ACIN1: variants seen among roughly 807,000 people sequenced by gnomAD.
ACIN1 encodes the protein apoptotic chromatin condensation inducer 1.
A neutral mutation model predicts 146.6 loss-of-function variants in ACIN1; 16 were observed. The ratio of observed to expected loss-of-function variants is 0.11; its 90% CI spans 0.07 to 0.17. The LOEUF is 0.17. Among genes scored for constraint, ACIN1 ranks in the 10% least tolerant of loss-of-function variants. The probability of loss-of-function intolerance (pLI) is 1.00; values close to 1 mark genes in which losing one functional copy is unlikely to be tolerated. For synonymous variants in ACIN1, 569 were observed against 582.7 expected (o/e 0.98, Z 0.34); for missense variants, 1,357 against 1,609.3 (o/e 0.84, Z 2.68).
In ACIN1 at chr14:23,067,183, T is replaced by G; in HGVS notation, c.2266-1175A>C. Reference sequence around the variant, plus strand: ...TAAAACAGGAAAAACATGAACCAAATAAATAAATAAAAGAAATCAGAAAAA... The same window carrying G: ...TAAAACAGGAAAAACATGAACCAAAGAAATAAATAAAAGAAATCAGAAAAA... On this transcript the variant is annotated intron_variant, in intron 9 of 18. Coordinates refer to ENST00000605057, the MANE Select transcript of ACIN1 (RefSeq NM_001386863.1). This position sits in a 1 kb window ranked among gnomAD's most constrained non-coding sequence, Gnocchi z 4.6. 1 of 646,826 alleles carries G rather than the reference T, an allele frequency of 1.5e-6. No individual in the cohort carries two copies. The highest frequency in any genetic ancestry group is 2.1e-5 in the African/African-American group (1 of 46,920). The allele number at this position is 646,826 out of a possible 1,614,324, so 40.1% of individuals were successfully genotyped here. A position where few individuals can be genotyped will look rare whatever the true frequency, so the allele number is the denominator to read the frequency against.
intron 12 of ACIN1, 105 bp downstream of exon 12, chr14:23,064,000 C>T: frequency 6.7e-7 from 1 of 1,490,906 alleles, no homozygotes; most frequent in Non-Finnish European, 9.1e-7. Context: ...ACCCTCTGCA[C>T]AGACAGGGAA....
At chr14:23,071,499 G>C in intron 8 of ACIN1, 1 of 1,551,706 alleles carries the variant, frequency 6.4e-7, no homozygotes, top group Non-Finnish European at 8.7e-7. Flanking sequence ...GGTAGTGGCT[G>C]GCTCTATTGT....
chr14:23,081,787 T>C lies in ACIN1; in HGVS notation c.486A>G (p.Lys162=), dbSNP rs1177038204. The change falls in exon 5 of 19, where the codon AAA becomes AAG. Residue 162 remains lysine (K), a synonymous_variant. Transcript: ENST00000605057. ...ATGATCGTCTTTCTCCTTTCCTTGG[T>C]TTCTCATCATCAGAGTCACCTTTCT... ...SEEKGDSDDE[K]PRKGERRSSR... 1 of 1,613,174 alleles carries C rather than the reference T, an allele frequency of 6.2e-7. No individual in the cohort carries two copies. The highest frequency in any genetic ancestry group is 8.5e-7 in the Non-Finnish European group (1 of 1,179,922).
Position 23,068,869 on chromosome 14 carries a change from T to G in ACIN1, c.2265+607A>C. On this transcript the variant is annotated intron_variant, in intron 9 of 18. Transcript: ENST00000605057. This position sits in a 1 kb window ranked among gnomAD's most constrained non-coding sequence, Gnocchi z 4.3. ...ACTTTAAGAGCCAAGAAGACTTCGCTGGCTCTGATGGGGGAAGCCCCCTGA... is the reference window on the plus strand; with the variant it reads ...ACTTTAAGAGCCAAGAAGACTTCGCGGGCTCTGATGGGGGAAGCCCCCTGA... 2 of 985,422 alleles carry G rather than the reference T, an allele frequency of 2.0e-6. No individual in the cohort carries two copies. Among genetic ancestry groups the G allele is most frequent in the Non-Finnish European group, 2.4e-6 (2 of 829,938 alleles). The allele number at this position is 985,422 out of a possible 1,614,324, so 61.0% of individuals were successfully genotyped here.
In ACIN1 at chr14:23,080,444, C is replaced by G; in HGVS notation, c.891G>C (p.Gln297His). The change falls in exon 6 of 19, where the codon CAG becomes CAC. Residue 297 changes from glutamine to histidine, a missense_variant. Gln to His is a conservative substitution (Grantham distance 24, BLOSUM62 0). Around this residue, in one of 4 missense-constraint regions of ACIN1, gnomAD observed 771 missense variants for 746.6 expected, o/e 1.03. Transcript: ENST00000605057. ...TTGTTTTCATTTCCTTCTCCTGCTG[C>G]TGTCTGGCCAGATGACTTTTTCTAG... Reference protein sequence around the residue: ...EEARKSHLARQQQEKEMKTTS... With the variant: ...EEARKSHLARHQQEKEMKTTS... The G allele has an allele frequency of 6.2e-7, 1 of 1,614,144 alleles. No individual in the cohort carries two copies. Among genetic ancestry groups the G allele is most frequent in the Non-Finnish European group, 8.5e-7 (1 of 1,180,026 alleles).
chr14:23,069,648 G>GGGGGGGGGGGGGGGGGGGC, intron 8 of ACIN1, 31 bp from the exon 9 acceptor site: 3 of 589,378 alleles, frequency 5.1e-6, no homozygotes, highest in African/African-American at 1.9e-5. Context: ...TGGTGGGGGG[G>GGGGGGGGGGGGGGGGGGGC]CGGGCAGAAA....
Position 23,093,469 on chromosome 14 carries a change from T to C in ACIN1, c.204+10A>G, listed in dbSNP as rs1337104412. 1.2e-6 allele frequency: 2 copies of C among 1,612,922 alleles called. No individual in the cohort carries two copies. Among genetic ancestry groups the C allele is most frequent in the Non-Finnish European group, 1.7e-6 (2 of 1,179,042 alleles). ...AGGGCCCACTCCATTGAATACACCT[T>C]CTTTCTCACCTGGGAATTTGGCTGG... On this transcript the variant is annotated intron_variant, in intron 2 of 18. Coordinates refer to ENST00000605057, the MANE Select transcript of ACIN1 (RefSeq NM_001386863.1).
In ACIN1 at chr14:23,063,050, C is replaced by T. The variant is rs964072916; in HGVS notation, c.2762G>A (p.Arg921Gln). 1.9e-6 allele frequency: 3 copies of T among 1,613,072 alleles called. No individual in the cohort carries two copies. The highest frequency in any genetic ancestry group is 1.7e-5 in the Admixed American group (1 of 59,694). The change falls in exon 14 of 19, where the codon CGA becomes CAA. Residue 921 changes from arginine to glutamine, a missense_variant. Arg to Gln is a conservative substitution (Grantham distance 43, BLOSUM62 1). Transcript: ENST00000605057. ...GGACTTCTGCTGGCTAATGGAACGT[C>T]GAGTTAAGGTATCTCCTAAAGTCAC... is the stretch of plus-strand genomic sequence containing the variant. ...KKVTLGDTLT[R>Q]RSISQQKSGV...
Position 23,058,802 on chromosome 14 carries a change from G to C in ACIN1, c.*346C>G, listed in dbSNP as rs913262394. On this transcript the variant is annotated 3_prime_UTR_variant, in exon 19 of 19. Coordinates refer to ENST00000605057, the MANE Select transcript of ACIN1 (RefSeq NM_001386863.1). ...CTGGCCCCGGCTGTTCCCAAGAGAA[G>C]GCTGTAAGTACCCAGGGAGGTGGTA... 1 of 321,756 alleles carries C rather than the reference G, an allele frequency of 3.1e-6. No individual in the cohort carries two copies. The highest frequency in any genetic ancestry group is 5.8e-6 in the Non-Finnish European group (1 of 172,258). 19.9% of individuals were successfully genotyped at this position (321,756 alleles called of 1,614,324 possible).
Position 23,095,078 on chromosome 14 carries a change from T to G in ACIN1, c.35A>C (p.Lys12Thr). The change falls in exon 1 of 19, where the codon AAG becomes ACG. Residue 12 changes from lysine (K) to threonine (T), a missense_variant. Coordinates refer to ENST00000605057, the MANE Select transcript of ACIN1 (RefSeq NM_001386863.1). The stretch of plus-strand genomic sequence containing the variant: ...GGTCACCCGCAGCGCCTGAAGAGGC[T>G]TCCCGTCCAGAGTCACCTCCTCCAG... ...AELEEVTLDG[K>T]PLQALRVTDL... 1 of 1,614,192 alleles carries G rather than the reference T, an allele frequency of 6.2e-7. No individual in the cohort carries two copies. The highest frequency in any genetic ancestry group is 8.5e-7 in the Non-Finnish European group (1 of 1,180,030).
rs773581532 is a variant in ACIN1 at position 23,080,582 on chromosome 14, T to C, written c.753A>G (p.Glu251=). 2 of 1,614,166 alleles carry C rather than the reference T, an allele frequency of 1.2e-6. No homozygotes were observed. Among genetic ancestry groups the C allele is most frequent in the African/African-American group, 1.3e-5 (1 of 75,036 alleles). ...CCTCTGGTTTTACTCTAGGTATCTCTTCCCCTTCTTCCTTAAACTCTTTCA... is the reference window on the plus strand; with the variant it reads ...CCTCTGGTTTTACTCTAGGTATCTCCTCCCCTTCTTCCTTAAACTCTTTCA... ...PILKEFKEEG[E]EIPRVKPEEM... is the part of the protein sequence containing the mutation. The change falls in exon 6 of 19, where the codon GAA becomes GAG. Residue 251 remains glutamate, a synonymous_variant. Transcript: ENST00000605057.
At position 23,090,649 on chromosome 14, in the gene ACIN1, G is replaced by A; in HGVS notation, c.205-16C>T. 1 of 1,595,816 alleles carries A rather than the reference G, an allele frequency of 6.3e-7. No homozygotes were observed. The highest frequency in any genetic ancestry group is 2.2e-5 in the East Asian group (1 of 44,732). ...CCTCACCAATCTGTGTAGAGGAAAT[G>A]AAAACAGAGGGTCTAGGAAAACAAA... is the stretch of plus-strand genomic sequence containing the variant. On this transcript the variant is annotated splice_polypyrimidine_tract_variant and intron_variant, in intron 2 of 18. Coordinates refer to ENST00000605057, the MANE Select transcript of ACIN1 (RefSeq NM_001386863.1).
In ACIN1 at chr14:23,081,817, A is replaced by C; in HGVS notation, c.456T>G (p.Ser152=). 1.2e-6 allele frequency: 2 copies of C among 1,612,312 alleles called. No homozygotes were observed. Among genetic ancestry groups the C allele is most frequent in the South Asian group, 2.2e-5 (2 of 90,898 alleles). The change falls in exon 5 of 19, where the codon TCT becomes TCG. Residue 152 remains serine, a synonymous_variant. Transcript: ENST00000605057. The part of the protein sequence containing the change: ...RHSPRKSSSI[S]EEKGDSDDEK... ...CATCATCAGAGTCACCTTTCTCTTC[A>C]GAAATTGAGGAGCTTTTTCCTATTG...
At position 23,093,558 on chromosome 14, in the gene ACIN1, G is replaced by A. The variant is rs1358925462; in HGVS notation, c.139-14C>T. ...TAGCATTAGAGCCTGGTATAGAGAAGGGTAAAAGTCAGAAATGATGAGGAA... is the reference window on the plus strand; with the variant it reads ...TAGCATTAGAGCCTGGTATAGAGAAAGGTAAAAGTCAGAAATGATGAGGAA... On this transcript the variant is annotated splice_polypyrimidine_tract_variant and intron_variant, in intron 1 of 18. Transcript: ENST00000605057. The A allele has an allele frequency of 3.1e-6, 5 of 1,611,540 alleles. No individual in the cohort carries two copies. The highest frequency in any genetic ancestry group is 3.3e-4 in the Middle Eastern group (2 of 6,078).
chr14:23,062,750 C>A lies in ACIN1; in HGVS notation c.2883+179G>T, dbSNP rs2047328129. ...AAGTCCTCAAAACAACCCTGCAGGGCAACAGCTTTTCCCCCTCATTTTTAG... is the reference window on the plus strand; with the variant it reads ...AAGTCCTCAAAACAACCCTGCAGGGAAACAGCTTTTCCCCCTCATTTTTAG... On this transcript the variant is annotated intron_variant, in intron 14 of 18. Coordinates refer to ENST00000605057, the MANE Select transcript of ACIN1 (RefSeq NM_001386863.1). 2.8e-5 allele frequency: 25 copies of A among 881,722 alleles called. No individual in the cohort carries two copies. In the South Asian group the frequency reaches 4.1e-4, roughly 14 times the overall value. The allele number at this position is 881,722 out of a possible 1,614,324, so 54.6% of individuals were successfully genotyped here. A position where few individuals can be genotyped will look rare whatever the true frequency, so the allele number is the denominator to read the frequency against.
chr14:23,066,489 G>A (rs898958469), intron 9 of ACIN1: 5 of 155,384 alleles, frequency 3.2e-5, no homozygotes, highest in Non-Finnish European at 7.1e-5. Context: ...ACTTCAACAA[G>A]GTAACCCTCC....
rs1017342630 is a variant in ACIN1 at position 23,078,903 on chromosome 14, A to G, written c.1924T>C (p.Ser642Pro). 2.5e-6 allele frequency: 4 copies of G among 1,614,082 alleles called. No homozygotes were observed. In the East Asian group the frequency reaches 8.9e-5, roughly 36 times the overall value. Residue 642 changes from serine to proline, a missense_variant, in exon 7 of 19, where the codon TCC becomes CCC. This residue lies in a region of ACIN1 where 771 missense variants were observed against 746.6 expected (regional missense o/e 1.03). Coordinates refer to ENST00000605057, the MANE Select transcript of ACIN1 (RefSeq NM_001386863.1). ...VCEPKERTST[S>P]SSSVQARRLS... ...CGCCTTGCTTGGACAGAGGATGAGG[A>G]GGTGGAAGTCCTCTCCTTTGGCTCA...
chr14:23,087,957 T>A lies in ACIN1; in HGVS notation c.436+2025A>T, dbSNP rs536649550. Among the ~76,000 whole-genome samples, 3 of 152,338 alleles carry A rather than the reference T, an allele frequency of 2.0e-5. No homozygotes were observed. In the South Asian group the frequency reaches 6.2e-4, roughly 32 times the overall value. On this transcript the variant is annotated intron_variant, in intron 4 of 18. Coordinates refer to ENST00000605057, the MANE Select transcript of ACIN1 (RefSeq NM_001386863.1). ...TAAGGCTCAGCTCAAATCCTGTATC[T>A]CCTTATGAGGCTTTCTCTAATCACT...
intron 8 of ACIN1, chr14:23,071,491 T>G: frequency 6.4e-7 from 1 of 1,551,678 alleles, no homozygotes. Context: ...AGGCTGCTGG[T>G]AGTGGCTGGC....
Sources: gnomAD v4.1 joint callset for allele counts (sites outside exome capture counted in the v4.1 genomes callset) on GRCh38, gnomAD v4.1.1 for gene constraint, gnomAD v4.1.1 regional missense constraint, Gnocchi (gnomAD v3.1) non-coding constraint, MANE v1.5 for transcripts, NCBI Gene and HGNC (gene_info 2026-07-23, HGNC 2026-07-21) for gene names.